The following CNTN5 variants were observed in gnomAD, a reference collection of about 807,000 sequenced individuals.
The protein encoded by CNTN5 is contactin-5.
A neutral mutation model predicts 129.1 loss-of-function variants in CNTN5; 77 were observed. The ratio of observed to expected loss-of-function variants is 0.60; its 90% CI spans 0.50 to 0.72. CNTN5 has a LOEUF of 0.72. Ranked by LOEUF, CNTN5 falls within the 30% of genes least tolerant of loss-of-function variation. CNTN5 has a pLI of 0.00. For synonymous variants in CNTN5, 509 were observed against 465.6 expected (o/e 1.09, Z -1.20); for missense variants, 1,478 against 1,328.8 (o/e 1.11, Z -1.75).
In CNTN5 at chr11:99,301,869, A is replaced by G. The variant is rs1591492039; in HGVS notation, c.-209-23477A>G. Among the ~76,000 whole-genome samples, 4 of 151,900 alleles carry G rather than the reference A, an allele frequency of 2.6e-5. 1 individual carries two copies. The highest frequency in any genetic ancestry group is 2.6e-4 in the Admixed American group (4 of 15,254). On this transcript the variant is annotated intron_variant, in intron 1 of 24. Transcript: ENST00000524871. Reference sequence around the variant, plus strand: ...AAATAAGTTTAAAATGATTGGTAGCATGTAAAGTATGGACTCAAAACACAA... The same window carrying G: ...AAATAAGTTTAAAATGATTGGTAGCGTGTAAAGTATGGACTCAAAACACAA...
At chr11:99,958,433 T>A (rs1424732819) in intron 8 of CNTN5, among the ~76,000 whole-genome samples, 2 of 152,138 alleles carry the variant, frequency 1.3e-5, no homozygotes, top group Admixed American at 6.5e-5. Flanking sequence ...AGTAGAGAAG[T>A]AGTTAAAAAT....
chr11:99,680,060 T>C (rs769259924), intron 3 of CNTN5, among the ~76,000 whole-genome samples: 4 of 152,246 alleles, frequency 2.6e-5, no homozygotes, highest in Admixed American at 2.0e-4. Flanking sequence ...GCTTAGTACC[T>C]AGCAAAAGTT....
At chr11:100,150,217 G>A (rs751279323) in intron 13 of CNTN5, among the ~76,000 whole-genome samples, 1 of 151,982 alleles carries the variant, frequency 6.6e-6, no homozygotes, top group Non-Finnish European at 1.5e-5. Flanking sequence ...ATTATGATCT[G>A]CAGAAAAGTT....
At chr11:99,995,324 AT>A (rs1939373125) in intron 8 of CNTN5, among the ~76,000 whole-genome samples, 1 of 120,438 alleles carries the variant, frequency 8.3e-6, no homozygotes, top group South Asian at 2.5e-4. Context: ...TTGCCAAAAA[AT>A]TAAAAAAAAA....
At chr11:100,301,447 T>C (rs1028180440) in intron 20 of CNTN5, among the ~76,000 whole-genome samples, 4 of 151,638 alleles carry the variant, frequency 2.6e-5, no homozygotes, top group South Asian at 2.1e-4. Flanking sequence ...TATTTTCTTT[T>C]AAAGACACTG....
At chr11:99,853,459 G>A (rs1443179720) in intron 6 of CNTN5, among the ~76,000 whole-genome samples, 1 of 151,976 alleles carries the variant, frequency 6.6e-6, no homozygotes, top group East Asian at 1.9e-4. Context: ...GAGCACAATG[G>A]TGCATTCTCG....
chr11:100,326,539 CA>C (rs1951790665), intron 21 of CNTN5, among the ~76,000 whole-genome samples: 1 of 152,178 alleles, frequency 6.6e-6, no homozygotes, highest in Admixed American at 6.5e-5. Flanking sequence ...AAGCTACGCT[CA>C]TTTCTGACCA....
chr11:99,131,739 G>C (rs1858948739), intron 1 of CNTN5, among the ~76,000 whole-genome samples: 1 of 152,132 alleles, frequency 6.6e-6, no homozygotes, highest in Non-Finnish European at 1.5e-5. Flanking sequence ...AACAAGTTCT[G>C]AAATTCAGGT....
At chr11:99,270,959 A>G (rs1591449817) in intron 1 of CNTN5, among the ~76,000 whole-genome samples, 1 of 152,066 alleles carries the variant, frequency 6.6e-6, no homozygotes, top group Admixed American at 6.6e-5. Flanking sequence ...ATACTCTCCT[A>G]GACTAAAAGC....
In CNTN5 at chr11:99,688,341, C is replaced by T. The variant is rs114419456; in HGVS notation, c.56-131203C>T. ...ACAGGTGTGAAGCCATCATGCCCAG[C>T]CAAGAAATTTATTTAGAAGACAAAC... On this transcript the variant is annotated intron_variant, in intron 3 of 24. Transcript: ENST00000524871. 4.2e-3 allele frequency among the ~76,000 whole-genome samples: 646 copies of T among 152,082 alleles called. 4 individuals are homozygous for T. The highest frequency in any genetic ancestry group is 0.015 in the African/African-American group (611 of 41,474).
At chr11:99,457,446 T>C (rs1453214223) in intron 2 of CNTN5, among the ~76,000 whole-genome samples, 1 of 151,778 alleles carries the variant, frequency 6.6e-6, no homozygotes, top group Non-Finnish European at 1.5e-5. Flanking sequence ...AAAAAAGAAA[T>C]AGGATTTGAT....
At chr11:100,311,751 A>G (rs1951478516) in intron 21 of CNTN5, among the ~76,000 whole-genome samples, 1 of 152,020 alleles carries the variant, frequency 6.6e-6, no homozygotes, top group South Asian at 2.1e-4. Context: ...AGATTGCCAG[A>G]TGGATTCAGC....
At chr11:99,437,177 C>T (rs951634559) in intron 2 of CNTN5, among the ~76,000 whole-genome samples, 3 of 152,142 alleles carry the variant, frequency 2.0e-5, no homozygotes, top group African/African-American at 4.8e-5. Context: ...TAGTACTTTA[C>T]GTGGCAAAGA....
At chr11:99,911,720 C>G (rs1223980449) in intron 6 of CNTN5, among the ~76,000 whole-genome samples, 1 of 143,738 alleles carries the variant, frequency 7.0e-6, no homozygotes, top group African/African-American at 2.6e-5. Context: ...TCTACCTACT[C>G]AACATGTCTC....
chr11:99,792,105 G>A (rs1945765142), intron 3 of CNTN5, among the ~76,000 whole-genome samples: 1 of 152,068 alleles, frequency 6.6e-6, no homozygotes, highest in East Asian at 1.9e-4. Flanking sequence ...TCTCTTGCCT[G>A]TTTGCTTTGG....
intron 1 of CNTN5, among the ~76,000 whole-genome samples, chr11:99,299,567 T>C (rs1864535506): frequency 6.6e-6 from 1 of 152,156 alleles, no homozygotes; most frequent in Non-Finnish European, 1.5e-5. Flanking sequence ...TGTGGAATGG[T>C]CTCCAATGTC....
chr11:100,202,178 A>G lies in CNTN5; in HGVS notation c.1884+8515A>G, dbSNP rs1178878035. Among the ~76,000 whole-genome samples, 4 of 152,172 alleles carry G rather than the reference A, an allele frequency of 2.6e-5. No homozygotes were observed. In the South Asian group the frequency reaches 8.3e-4, roughly 32 times the overall value. On this transcript the variant is annotated intron_variant, in intron 15 of 24. Transcript: ENST00000524871. ...TCCCAAACTTAAACAACTGTTGGAT[A>G]CAAGAGTTATCCAAACTAGGACTGA...
At chr11:99,087,344 A>T (rs1866044775) in intron 1 of CNTN5, among the ~76,000 whole-genome samples, 1 of 152,192 alleles carries the variant, frequency 6.6e-6, no homozygotes, top group Non-Finnish European at 1.5e-5. Flanking sequence ...TCTGGTATAA[A>T]TTTAAAGAGT....
At position 99,221,257 on chromosome 11, in the gene CNTN5, A is replaced by G. The variant is rs184757119; in HGVS notation, c.-209-104089A>G. Reference sequence around the variant, plus strand: ...TAATTTGACTTTGAAAGGATTTAATATATTTCTAATTCATGTAATTGACAA... The same window carrying G: ...TAATTTGACTTTGAAAGGATTTAATGTATTTCTAATTCATGTAATTGACAA... On this transcript the variant is annotated intron_variant, in intron 1 of 24. Transcript: ENST00000524871. Among the ~76,000 whole-genome samples, 249 of 152,084 alleles carry G rather than the reference A, an allele frequency of 1.6e-3. 3 individuals are homozygous for G. The highest frequency in any genetic ancestry group is 5.8e-3 in the African/African-American group (240 of 41,570).
Sources: allele counts gnomAD v4.1 joint callset (sites outside exome capture counted in the v4.1 genomes callset), GRCh38; gene constraint gnomAD v4.1.1; transcripts MANE v1.5; gene names NCBI Gene and HGNC (gene_info 2026-07-23, HGNC 2026-07-21).